Variants in THEMIS observed in about 807,000 individuals in gnomAD.
THEMIS encodes the protein thymocyte selection associated.
Under a neutral mutation model 52.6 loss-of-function variants are expected in THEMIS, and 37 were observed. That is an observed-to-expected ratio of 0.70 (90% confidence interval 0.54 to 0.93). THEMIS has a LOEUF of 0.93. Among genes scored for constraint, THEMIS ranks in the 40% least tolerant of loss-of-function variants. The pLI is 0.00. For missense variants in THEMIS, 808 were observed against 763.1 expected, an observed-to-expected ratio of 1.06 and a Z score of -0.69; for synonymous variants, 292 against 272.7, an observed-to-expected ratio of 1.07 and a Z score of -0.70.
intron 1 of THEMIS, among the ~76,000 whole-genome samples, chr6:127,913,215 A>G (rs1240542654): frequency 6.6e-6 from 1 of 152,222 alleles, no homozygotes; most frequent in Admixed American, 6.5e-5. Flanking sequence ...CTGGATGGAA[A>G]AAAAAAGTCT....
chr6:127,762,330 G>T (rs1242302673), intron 4 of THEMIS, among the ~76,000 whole-genome samples: 2 of 151,988 alleles, frequency 1.3e-5, no homozygotes, highest in Non-Finnish European at 2.9e-5. Context: ...ATACAATATG[G>T]TATCTATATT....
chr6:127,709,821 A>T lies in THEMIS; in HGVS notation c.*164T>A. On this transcript the variant is annotated 3_prime_UTR_variant, in exon 6 of 6. Transcript: ENST00000368248. ...GAATTCTATATCATAGGTTTCTGTA[A>T]GTTTTATCTGTTAAAAGTTTTAAGG... 1 of 608,534 alleles carries T rather than the reference A, an allele frequency of 1.6e-6. No individual in the cohort carries two copies. The highest frequency in any genetic ancestry group is 2.8e-6 in the Non-Finnish European group (1 of 353,014). The allele number at this position is 608,534 out of a possible 1,614,324, so 37.7% of individuals were successfully genotyped here. A position where few individuals can be genotyped will look rare whatever the true frequency, so the allele number is the denominator to read the frequency against.
In THEMIS at chr6:127,861,336, T is replaced by G. The variant is rs531378242; in HGVS notation, c.92-6148A>C. 4.1e-4 allele frequency among the ~76,000 whole-genome samples: 62 copies of G among 152,338 alleles called. No individual in the cohort carries two copies. The South Asian group carries it at 0.01, about 25-fold the overall frequency. ...TTCCATTTAATGAATACAAATGTACTGACTGCATTGATTATACAGGGACCC... is the reference window on the plus strand; with the variant it reads ...TTCCATTTAATGAATACAAATGTACGGACTGCATTGATTATACAGGGACCC... On this transcript the variant is annotated intron_variant, in intron 1 of 5. Coordinates refer to ENST00000368248, the MANE Select transcript of THEMIS (RefSeq NM_001010923.3).
intron 4 of THEMIS, among the ~76,000 whole-genome samples, chr6:127,744,607 A>T (rs1438026789): frequency 6.6e-6 from 1 of 152,058 alleles, no homozygotes; most frequent in Non-Finnish European, 1.5e-5. Context: ...GATTCCACTT[A>T]CATGAGGTAT....
At chr6:127,827,923 C>T (rs1447495916) in intron 3 of THEMIS, among the ~76,000 whole-genome samples, 1 of 152,156 alleles carries the variant, frequency 6.6e-6, no homozygotes, top group Non-Finnish European at 1.5e-5. Flanking sequence ...TTCCACTCCC[C>T]ATTGCATGTG....
intron 1 of THEMIS, among the ~76,000 whole-genome samples, chr6:127,908,776 A>C (rs1300789255): frequency 3.9e-5 from 6 of 152,120 alleles, no homozygotes; most frequent in African/African-American, 1.4e-4. Context: ...TAGAAAGGGT[A>C]TGCCCACTTT....
chr6:127,770,753 G>C (rs933973594), intron 4 of THEMIS, among the ~76,000 whole-genome samples: 7 of 152,118 alleles, frequency 4.6e-5, no homozygotes, highest in African/African-American at 1.7e-4. Flanking sequence ...GTGGTTTTAA[G>C]TCTAACATTT....
At chr6:127,902,796 A>G (rs1478599060), upstream of THEMIS, among the ~76,000 whole-genome samples, 1 of 152,046 alleles carries the variant, frequency 6.6e-6, no homozygotes, top group Non-Finnish European at 1.5e-5. Context: ...TTTCATGTGG[A>G]TGAATACATG....
chr6:127,891,429 G>A (rs571192915), intron 1 of THEMIS, among the ~76,000 whole-genome samples: 7 of 151,254 alleles, frequency 4.6e-5, no homozygotes, highest in African/African-American at 1.2e-4. Context: ...CCAGCTACTC[G>A]TGAGACTGAG....
chr6:127,789,161 A>G (rs1323789280), intron 4 of THEMIS, among the ~76,000 whole-genome samples: 2 of 152,180 alleles, frequency 1.3e-5, no homozygotes, highest in Non-Finnish European at 2.9e-5. Flanking sequence ...GAGAAGAATC[A>G]AATAGACACA....
intron 2 of THEMIS, among the ~76,000 whole-genome samples, chr6:127,835,162 T>C (rs1778835301): frequency 6.6e-6 from 1 of 152,112 alleles, no homozygotes; most frequent in Non-Finnish European, 1.5e-5. Context: ...CCCAAACCTC[T>C]CACAAAGCAT....
At chr6:127,854,713 G>A (rs1779557295) in intron 2 of THEMIS, among the ~76,000 whole-genome samples, 1 of 151,812 alleles carries the variant, frequency 6.6e-6, no homozygotes, top group South Asian at 2.1e-4. Flanking sequence ...CAGAATTTAT[G>A]AAAATATATC....
intron 4 of THEMIS, among the ~76,000 whole-genome samples, chr6:127,742,942 T>C (rs1321398753): frequency 1.3e-5 from 2 of 152,180 alleles, no homozygotes; most frequent in Non-Finnish European, 2.9e-5. Context: ...GTATTATGTA[T>C]ATTTTACCAT....
At chr6:127,738,109 C>T (rs189275226) in intron 4 of THEMIS, among the ~76,000 whole-genome samples, 2 of 152,218 alleles carry the variant, frequency 1.3e-5, no homozygotes, top group Non-Finnish European at 1.5e-5. Flanking sequence ...GGCCTAAGGT[C>T]TCATTCTCTC....
In THEMIS at chr6:127,813,608, G is replaced by A; in HGVS notation, c.1033C>T (p.Arg345Ter). 2 of 1,614,042 alleles carry A rather than the reference G, an allele frequency of 1.2e-6. No individual in the cohort carries two copies. The highest frequency in any genetic ancestry group is 1.7e-6 in the Non-Finnish European group (2 of 1,179,980). The change falls in exon 4 of 6, where the codon CGA becomes TGA. Residue 345 changes from arginine to a stop codon, truncating the protein, a stop_gained. Transcript: ENST00000368248. LOFTEE classifies it high-confidence loss of function. Reference sequence around the variant, plus strand: ...TAGGCCGTTGGGAACTCCCTCGGTCGCCGCTTGAACTTGCCTTTATAGCTA... The same window carrying A: ...TAGGCCGTTGGGAACTCCCTCGGTCACCGCTTGAACTTGCCTTTATAGCTA... The part of the protein sequence containing the change: ...PTSYKGKFKR[R>*]PREFPTAYDL...
At chr6:127,717,886 G>T (rs73595710) in intron 5 of THEMIS, among the ~76,000 whole-genome samples, 167 of 151,154 alleles carry the variant, frequency 1.1e-3, no homozygotes, top group African/African-American at 3.7e-3. Flanking sequence ...TCGTCAAAGA[G>T]AATTTAGGAA....
At position 127,709,803 on chromosome 6, in the gene THEMIS, A is replaced by G. The variant is rs886348313; in HGVS notation, c.*182T>C. ...CAACAGAATAGACTATATGAATTCT[A>G]TATCATAGGTTTCTGTAAGTTTTAT... is the stretch of plus-strand genomic sequence containing the variant. On this transcript the variant is annotated 3_prime_UTR_variant, in exon 6 of 6. Transcript: ENST00000368248. The G allele has an allele frequency of 3.5e-5, 20 of 572,526 alleles. No homozygotes were observed. Among genetic ancestry groups the G allele is most frequent in the Non-Finnish European group, 6.1e-5 (20 of 329,716 alleles). 35.5% of individuals were successfully genotyped at this position (572,526 alleles called of 1,614,324 possible). A position where few individuals can be genotyped will look rare whatever the true frequency, so the allele number is the denominator to read the frequency against.
In THEMIS at chr6:127,794,601, G is replaced by C. The variant is rs183712731; in HGVS notation, c.1758+18282C>G. On this transcript the variant is annotated intron_variant, in intron 4 of 5. Transcript: ENST00000368248. Reference sequence around the variant, plus strand: ...TGTGCCACTATGCCTGTCTCTGCCTGTCTTGAACACATTAGACACAGTCCT... The same window carrying C: ...TGTGCCACTATGCCTGTCTCTGCCTCTCTTGAACACATTAGACACAGTCCT... 3.4e-3 allele frequency among the ~76,000 whole-genome samples: 519 copies of C among 152,264 alleles called. 2 individuals carry two copies. Among genetic ancestry groups the C allele is most frequent in the African/African-American group, 0.012 (489 of 41,542 alleles).
chr6:127,879,797 G>T (rs1183316702), intron 1 of THEMIS, among the ~76,000 whole-genome samples: 3 of 151,984 alleles, frequency 2.0e-5, no homozygotes, highest in African/African-American at 7.3e-5. Context: ...GGAGCTGCTG[G>T]ACTGGATCCT....
Sources: allele counts gnomAD v4.1 joint callset (sites outside exome capture counted in the v4.1 genomes callset), GRCh38; gene constraint gnomAD v4.1.1; transcripts MANE v1.5; gene names NCBI Gene and HGNC (gene_info 2026-07-23, HGNC 2026-07-21).